DNAJB14: variants seen among roughly 807,000 people sequenced by gnomAD.
The protein encoded by DNAJB14 is dnaJ homolog subfamily B member 14.
Under a neutral mutation model 48.4 loss-of-function variants are expected in DNAJB14, and 22 were observed. The ratio of observed to expected loss-of-function variants is 0.45; its 90% CI spans 0.32 to 0.65. The LOEUF (loss-of-function observed/expected upper bound fraction) is 0.65. Ranked by LOEUF, DNAJB14 falls within the 30% of genes least tolerant of loss-of-function variation. The pLI, the probability that DNAJB14 is intolerant of heterozygous loss-of-function variation, is 0.03. For synonymous variants in DNAJB14, 142 were observed against 158.7 expected (o/e 0.89, Z 0.79); for missense variants, 319 against 458.8 (o/e 0.70, Z 2.78).
rs938494050 is a variant in DNAJB14, at chr4:99,896,278, T to C, written c.*4750A>G. The C allele has an allele frequency of 3.4e-4, 52 of 152,144 alleles. No individual in the cohort carries two copies. Among genetic ancestry groups the C allele is most frequent in the African/African-American group, 1.2e-3 (51 of 41,414 alleles). The allele number at this position is 152,144 out of a possible 1,614,324, so 9.4% of individuals were successfully genotyped here. A position where few individuals can be genotyped will look rare whatever the true frequency, so the allele number is the denominator to read the frequency against. ...CAGTGAGAACAGACCTTTTTATTAA[T>C]ATATTGAGATAAACTACAGAGACTG... On this transcript the variant is annotated 3_prime_UTR_variant, in exon 8 of 8. Transcript: ENST00000442697.
At chr4:99,915,389 G>A (rs1725819264) in intron 3 of DNAJB14, among the ~76,000 whole-genome samples, 1 of 151,976 alleles carries the variant, frequency 6.6e-6, no homozygotes, top group East Asian at 1.9e-4. Context: ...CACCCACCTC[G>A]GCCTCCCAAA....
At chr4:99,903,422 C>T (rs887673473) in intron 7 of DNAJB14, among the ~76,000 whole-genome samples, 1 of 151,492 alleles carries the variant, frequency 6.6e-6, no homozygotes, top group African/African-American at 2.4e-5. Flanking sequence ...TTTTTTGTTT[C>T]TTGGTGGTAC....
chr4:99,916,821 C>A (rs956996045), intron 3 of DNAJB14, among the ~76,000 whole-genome samples: 1 of 152,000 alleles, frequency 6.6e-6, no homozygotes, highest in African/African-American at 2.4e-5. Flanking sequence ...CTTTACTTCC[C>A]TTTATCTTCC....
At chr4:99,919,325 T>C (rs36072554) in intron 3 of DNAJB14, among the ~76,000 whole-genome samples, 4,078 of 152,144 alleles carry the variant, frequency 0.027, 88 homozygotes, top group Middle Eastern at 0.054. Context: ...TGGCTCACAC[T>C]GGTAATCCCA....
chr4:99,905,304 T>C (rs887331943), intron 6 of DNAJB14, among the ~76,000 whole-genome samples: 7 of 152,128 alleles, frequency 4.6e-5, no homozygotes, highest in African/African-American at 1.7e-4. Context: ...CTTTAGAGTA[T>C]TTTTTGCCTT....
intron 2 of DNAJB14, 131 bp downstream of exon 2, chr4:99,930,319 A>C (rs1174518682): frequency 1.2e-6 from 1 of 858,542 alleles, no homozygotes; most frequent in Admixed American, 2.9e-5. Context: ...ATGAAGCATA[A>C]GACACACCCA....
At chr4:99,911,334 C>T (rs1255359375) in intron 3 of DNAJB14, among the ~76,000 whole-genome samples, 1 of 152,002 alleles carries the variant, frequency 6.6e-6, no homozygotes, top group Non-Finnish European at 1.5e-5. Context: ...TTGGCTATTA[C>T]AAATAAAATT....
intron 1 of DNAJB14, among the ~76,000 whole-genome samples, chr4:99,935,706 CT>C (rs75897413): frequency 0.45 from 68,063 of 151,948 alleles, 16,353 homozygotes; most frequent in African/African-American, 0.63. Context: ...CCTTTCCCTT[CT>C]TTTTCCTTTT....
At position 99,923,177 on chromosome 4, in the gene DNAJB14, T is replaced by G; in HGVS notation, c.314A>C (p.Lys105Thr). 1.2e-6 allele frequency: 2 copies of G among 1,611,066 alleles called. No homozygotes were observed. Among genetic ancestry groups the G allele is most frequent in the Non-Finnish European group, 1.7e-6 (2 of 1,178,590 alleles). ...AAGTACTTCATAGTAATTTTTACAT[T>G]TGTTTATGCTGTGAACAAGAGAGTG... ...DQVDGVLSIN[K>T]CKNYYEVLGV... The change falls in exon 3 of 8, where the codon AAA (lysine) becomes ACA (threonine). Residue 105 changes from lysine to threonine, a missense_variant. Transcript: ENST00000442697.
intron 2 of DNAJB14, 65 bp downstream of exon 2, chr4:99,930,385 G>T: frequency 6.8e-7 from 1 of 1,463,046 alleles, no homozygotes. Flanking sequence ...TTTTTCAGGT[G>T]TTATAACATC....
intron 2 of DNAJB14, chr4:99,923,559 C>G: frequency 1.7e-6 from 1 of 605,254 alleles, no homozygotes; most frequent in Non-Finnish European, 2.1e-6. Flanking sequence ...TCCAAAACTC[C>G]TCAAAAGTAT....
rs113114708 is a variant in DNAJB14, at chr4:99,905,052, A to G, written c.842+545T>C. ...TTTATTCATGCTGCTATAACAGCCAATATGATGTTATAGTTTCCTTTATGT... is the reference window on the plus strand; with the variant it reads ...TTTATTCATGCTGCTATAACAGCCAGTATGATGTTATAGTTTCCTTTATGT... On this transcript the variant is annotated intron_variant, in intron 6 of 7. Coordinates refer to ENST00000442697, the MANE Select transcript of DNAJB14 (RefSeq NM_001031723.4). 3.2e-3 allele frequency among the ~76,000 whole-genome samples: 488 copies of G among 152,164 alleles called. 6 individuals are homozygous for G. The highest frequency in any genetic ancestry group is 0.011 in the African/African-American group (471 of 41,558).
At chr4:99,942,872 C>T (rs770461395) in intron 1 of DNAJB14, among the ~76,000 whole-genome samples, 71 of 152,044 alleles carry the variant, frequency 4.7e-4, no homozygotes, top group Non-Finnish European at 1.2e-4. Flanking sequence ...CATATCCAGA[C>T]GAACATTCAG....
At chr4:99,916,464 T>C (rs1365992256) in intron 3 of DNAJB14, among the ~76,000 whole-genome samples, 1 of 152,236 alleles carries the variant, frequency 6.6e-6, no homozygotes, top group African/African-American at 2.4e-5. Flanking sequence ...AAATGCATTA[T>C]GCCAAAAGAC....
intron 1 of DNAJB14, 30 bp downstream of exon 1, chr4:99,946,409 G>A: frequency 1.3e-6 from 2 of 1,591,620 alleles, no homozygotes; most frequent in Non-Finnish European, 1.7e-6. Flanking sequence ...TGGGGATTGG[G>A]CAGGAAGAGA....
chr4:99,928,883 T>G (rs1726355592), intron 2 of DNAJB14: 1 of 154,764 alleles, frequency 6.5e-6, no homozygotes, highest in Admixed American at 6.5e-5. Context: ...TCAAGCACAC[T>G]GCTTACTAAT....
In DNAJB14 at chr4:99,898,659, CAGTT is replaced by C. The variant is rs1215964968; in HGVS notation, c.*2365_*2368del. Reference sequence around the variant, plus strand: ...AAGTGCTGCTAAACTGTTAGAATACCAGTTAGAGGAGCTAATAAAGCAATATTCA... The same window carrying C: ...AAGTGCTGCTAAACTGTTAGAATACCAGAGGAGCTAATAAAGCAATATTCA... On this transcript the variant is annotated 3_prime_UTR_variant, in exon 8 of 8. Transcript: ENST00000442697. 8 of 151,702 alleles carry C rather than the reference CAGTT, an allele frequency of 5.3e-5. No homozygotes were observed. Among genetic ancestry groups the C allele is most frequent in the African/African-American group, 9.7e-5 (4 of 41,360 alleles). 9.4% of individuals were successfully genotyped at this position (151,702 alleles called of 1,614,324 possible).
At chr4:99,906,327 T>C (rs1725465159) in intron 5 of DNAJB14, among the ~76,000 whole-genome samples, 190 bp downstream of exon 5, 1 of 152,112 alleles carries the variant, frequency 6.6e-6, no homozygotes, top group Non-Finnish European at 1.5e-5. Flanking sequence ...GGTCATACTA[T>C]CCAACCACCC....
chr4:99,921,714 TA>T (rs1338022272), intron 3 of DNAJB14, among the ~76,000 whole-genome samples: 1 of 152,204 alleles, frequency 6.6e-6, no homozygotes, highest in Admixed American at 6.5e-5. Flanking sequence ...ATTAGCTATT[TA>T]AAGATTTCAG....
Sources: gnomAD v4.1 joint callset for allele counts (sites outside exome capture counted in the v4.1 genomes callset) on GRCh38, gnomAD v4.1.1 for gene constraint, MANE v1.5 for transcripts, NCBI Gene and HGNC (gene_info 2026-07-23, HGNC 2026-07-21) for gene names.